The following EPB41L4A variants were observed in gnomAD, a reference collection of about 807,000 sequenced individuals.
EPB41L4A encodes the protein erythrocyte membrane protein band 4.1 like 4A.
A neutral mutation model predicts 108.6 loss-of-function variants in EPB41L4A; 100 were observed. The observed-to-expected ratio is 0.92, with a 90% confidence interval of 0.78 to 1.09. EPB41L4A has a LOEUF of 1.09. Among genes scored for constraint, EPB41L4A ranks in the 50% least tolerant of loss-of-function variants. The pLI is 0.00. For missense variants in EPB41L4A, 1,030 were observed against 842.7 expected (o/e 1.22, Z -2.75); for synonymous variants, 319 against 289.0 (o/e 1.10, Z -1.05).
intron 2 of EPB41L4A, among the ~76,000 whole-genome samples, chr5:112,300,041 A>C (rs1282502098): frequency 6.6e-6 from 1 of 151,992 alleles, no homozygotes; most frequent in Admixed American, 6.6e-5. Flanking sequence ...GAGTCCTTAT[A>C]TGTTAGGTGA....
At chr5:112,265,567 G>A (rs1476338478) in intron 5 of EPB41L4A, among the ~76,000 whole-genome samples, 2 of 152,298 alleles carry the variant, frequency 1.3e-5, no homozygotes, top group East Asian at 3.9e-4. Flanking sequence ...TACCTTGCAA[G>A]CCCCAACCCA....
intron 3 of EPB41L4A, among the ~76,000 whole-genome samples, chr5:112,279,650 C>T (rs1752841560): frequency 6.6e-6 from 1 of 151,986 alleles, no homozygotes; most frequent in Non-Finnish European, 1.5e-5. Flanking sequence ...ATTTTTTGCG[C>T]ACTTAAGGAG....
At chr5:112,403,175 A>C (rs1052849230) in intron 1 of EPB41L4A, among the ~76,000 whole-genome samples, 2 of 152,172 alleles carry the variant, frequency 1.3e-5, no homozygotes, top group Non-Finnish European at 2.9e-5. Flanking sequence ...TTTCCTTTAT[A>C]GCTGTTCTCT....
At chr5:112,338,397 GC>G (rs1757057509) in intron 1 of EPB41L4A, among the ~76,000 whole-genome samples, 1 of 152,056 alleles carries the variant, frequency 6.6e-6, no homozygotes, top group African/African-American at 2.4e-5. Flanking sequence ...CAGACTGCCT[GC>G]CCACCTGCTC....
At position 112,216,772 on chromosome 5, in the gene EPB41L4A, T is replaced by G. The variant is rs188858430; in HGVS notation, c.1088-6790A>C. ...TTGTGAATTAAGAACTGACCAATAA[T>G]TGAAAATATATTTTAGCTCTATTTC... On this transcript the variant is annotated intron_variant, in intron 12 of 22. Transcript: ENST00000261486. 2.6e-5 allele frequency among the ~76,000 whole-genome samples: 4 copies of G among 152,342 alleles called. No individual in the cohort carries two copies. In the East Asian group the frequency reaches 5.8e-4, roughly 22 times the overall value.
chr5:112,355,596 T>C (rs369969710), intron 1 of EPB41L4A, among the ~76,000 whole-genome samples: 43 of 152,296 alleles, frequency 2.8e-4, no homozygotes, highest in African/African-American at 9.9e-4. Context: ...CCACTAAGAA[T>C]GTGGAAAACA....
intron 1 of EPB41L4A, among the ~76,000 whole-genome samples, chr5:112,336,458 G>A (rs905131310): frequency 2.0e-5 from 3 of 152,042 alleles, no homozygotes; most frequent in South Asian, 2.1e-4. Flanking sequence ...TCCTCATCCC[G>A]CCAACCCCTT....
intron 1 of EPB41L4A, among the ~76,000 whole-genome samples, chr5:112,414,618 T>C (rs978665575): frequency 1.3e-5 from 2 of 152,218 alleles, no homozygotes; most frequent in African/African-American, 4.8e-5. Context: ...TGTAGTTCAC[T>C]ATCAACCAAG....
chr5:112,168,792 G>A lies in EPB41L4A; in HGVS notation c.1879C>T (p.Pro627Ser). The A allele has an allele frequency of 6.2e-7, 1 of 1,614,128 alleles. No individual in the cohort carries two copies. ...TGAGCATCCGAAGAACGGGTCACCG[G>A]AAGTGGTGGTACAAGATCTGTTTTT... ...NSKTDLVPPL[P>S]VTRSSDAQGS... The change falls in exon 22 of 23, where the codon CCG (proline) becomes TCG (serine). Residue 627 changes from proline (P) to serine (S), a missense_variant. Physicochemically the swap from Pro to Ser is moderately conservative, Grantham distance 74. Coordinates refer to ENST00000261486, the MANE Select transcript of EPB41L4A (RefSeq NM_022140.5).
chr5:112,363,010 C>G (rs1758875074), intron 1 of EPB41L4A, among the ~76,000 whole-genome samples: 2 of 151,988 alleles, frequency 1.3e-5, no homozygotes, highest in African/African-American at 4.8e-5. Flanking sequence ...CTTCAGGAAG[C>G]CAATTCCTAC....
intron 2 of EPB41L4A, among the ~76,000 whole-genome samples, chr5:112,303,927 A>C (rs1754535583): frequency 6.6e-6 from 1 of 152,142 alleles, no homozygotes; most frequent in Non-Finnish European, 1.5e-5. Flanking sequence ...GAACACACCC[A>C]AACACTGACT....
At chr5:112,386,310 C>A (rs1157979202) in intron 1 of EPB41L4A, among the ~76,000 whole-genome samples, 1 of 152,154 alleles carries the variant, frequency 6.6e-6, no homozygotes, top group Non-Finnish European at 1.5e-5. Flanking sequence ...GCAAATTACT[C>A]CTGTCTAATG....
chr5:112,304,680 A>G (rs1754574554), intron 2 of EPB41L4A, among the ~76,000 whole-genome samples: 1 of 151,916 alleles, frequency 6.6e-6, no homozygotes, highest in Admixed American at 6.6e-5. Context: ...CATTCCGCTG[A>G]TATCACCAGC....
chr5:112,227,869 A>G (rs946135921), intron 12 of EPB41L4A, among the ~76,000 whole-genome samples: 1 of 152,202 alleles, frequency 6.6e-6, no homozygotes, highest in Non-Finnish European at 1.5e-5. Context: ...GACTGCACCT[A>G]CCTTGGGTCA....
chr5:112,416,313 A>C (rs1013168509), intron 1 of EPB41L4A, among the ~76,000 whole-genome samples: 2 of 152,136 alleles, frequency 1.3e-5, no homozygotes, highest in East Asian at 3.8e-4. Context: ...AATCTTTTCT[A>C]ATTCACAGTG....
At chr5:112,215,135 A>G (rs1252253867) in intron 12 of EPB41L4A, among the ~76,000 whole-genome samples, 1 of 152,190 alleles carries the variant, frequency 6.6e-6, no homozygotes, top group East Asian at 1.9e-4. Flanking sequence ...ATTCAGGATA[A>G]TGATCTTTAT....
At chr5:112,181,450 C>CA (rs1255397665) in intron 18 of EPB41L4A, among the ~76,000 whole-genome samples, 53 of 141,514 alleles carry the variant, frequency 3.7e-4, no homozygotes, top group Middle Eastern at 3.8e-3. Flanking sequence ...GACTCTGTCT[C>CA]AAAAAAAAAA....
intron 9 of EPB41L4A, chr5:112,249,180 G>A (rs1399541081): frequency 1.3e-5 from 2 of 152,160 alleles, no homozygotes; most frequent in Non-Finnish European, 2.9e-5. Flanking sequence ...AGGTGGGGAA[G>A]AGGCTAAAAA....
chr5:112,275,217 T>C lies in EPB41L4A; in HGVS notation c.335+109A>G. On this transcript the variant is annotated intron_variant, in intron 4 of 22. Coordinates refer to ENST00000261486, the MANE Select transcript of EPB41L4A (RefSeq NM_022140.5). ...CCCTCTAAGGAGATGCGTTACAAAATGCAGGTAGACACACATCCAAACGTT... is the reference window on the plus strand; with the variant it reads ...CCCTCTAAGGAGATGCGTTACAAAACGCAGGTAGACACACATCCAAACGTT... The C allele has an allele frequency of 2.3e-6, 3 of 1,328,336 alleles. No homozygotes were observed. In the South Asian group the frequency reaches 4.4e-5, roughly 19 times the overall value. The allele number at this position is 1,328,336 out of a possible 1,614,324, so 82.3% of individuals were successfully genotyped here.
Sources: allele counts gnomAD v4.1 joint callset (sites outside exome capture counted in the v4.1 genomes callset), GRCh38; gene constraint gnomAD v4.1.1; transcripts MANE v1.5; gene names NCBI Gene and HGNC (gene_info 2026-07-23, HGNC 2026-07-21).